RBM33: variants seen among roughly 807,000 people sequenced by gnomAD.
RBM33 encodes RNA binding motif protein 33.
A neutral mutation model predicts 132.6 loss-of-function variants in RBM33; 28 were observed. The ratio of observed to expected loss-of-function variants is 0.21; its 90% CI spans 0.16 to 0.29. The LOEUF (loss-of-function observed/expected upper bound fraction) is 0.29, where lower values mean the gene tolerates loss of function less well. Among genes scored for constraint, RBM33 ranks in the 10% least tolerant of loss-of-function variants. RBM33 has a pLI of 1.00. For synonymous variants in RBM33, 634 were observed against 593.0 expected (o/e 1.07, Z -1.01); for missense variants, 1,291 against 1,518.5 (o/e 0.85, Z 2.49).
At chr7:155,762,181 C>T (rs534861397) in intron 14 of RBM33, among the ~76,000 whole-genome samples, 17 of 152,334 alleles carry the variant, frequency 1.1e-4, no homozygotes, top group African/African-American at 3.8e-4. Context: ...CCTTCTCTAG[C>T]ACTTTCCGTT....
chr7:155,724,036 A>G (rs1017610462), intron 9 of RBM33, among the ~76,000 whole-genome samples: 3 of 152,204 alleles, frequency 2.0e-5, no homozygotes, highest in Non-Finnish European at 4.4e-5. Context: ...TGAATAATTT[A>G]GCCTGTGAAA....
At chr7:155,709,524 C>G (rs1800215572) in intron 7 of RBM33, among the ~76,000 whole-genome samples, 1 of 152,190 alleles carries the variant, frequency 6.6e-6, no homozygotes, top group African/African-American at 2.4e-5. Flanking sequence ...CTCCATCTCC[C>G]AACTGTCCCT....
intron 8 of RBM33, among the ~76,000 whole-genome samples, chr7:155,713,957 G>C (rs928084597): frequency 9.9e-5 from 15 of 152,088 alleles, no homozygotes; most frequent in Non-Finnish European, 1.9e-4. Context: ...TCTTGTGTCA[G>C]TTCTTCCTTG....
Position 155,738,064 on chromosome 7 carries a change from A to G in RBM33, c.1398A>G (p.Ser466=), listed in dbSNP as rs1027723637. The G allele has an allele frequency of 1.2e-6, 2 of 1,612,200 alleles. No homozygotes were observed. The highest frequency in any genetic ancestry group is 1.7e-6 in the Non-Finnish European group (2 of 1,178,728). ...TGATGTTGTGTTACCTTTCAGTTTC[A>G]GGTGAACCAAGATTCCCGAGCCATC... The part of the protein sequence containing the change: ...QDRDPFFLGV[S]GEPRFPSHLF... The change falls in exon 11 of 18, where the codon TCA becomes TCG. Residue 466 remains serine, a synonymous_variant. Coordinates refer to ENST00000401878, the MANE Select transcript of RBM33 (RefSeq NM_053043.3).
intron 14 of RBM33, among the ~76,000 whole-genome samples, chr7:155,754,918 G>A (rs1373701944): frequency 6.6e-6 from 1 of 152,180 alleles, no homozygotes; most frequent in Non-Finnish European, 1.5e-5. Context: ...AGATGTAAGT[G>A]CTCCCCATGT....
chr7:155,728,517 G>A (rs985648237), intron 9 of RBM33, among the ~76,000 whole-genome samples: 2 of 152,084 alleles, frequency 1.3e-5, no homozygotes. Context: ...CTGAGTAAAC[G>A]GTTTCTTTCT....
At chr7:155,754,647 C>G (rs187208292) in intron 14 of RBM33, among the ~76,000 whole-genome samples, 22 of 152,338 alleles carry the variant, frequency 1.4e-4, no homozygotes, top group Admixed American at 7.8e-4. Context: ...CTTCAAAGGT[C>G]AGCTAATCTT....
chr7:155,712,136 C>T lies in RBM33; in HGVS notation c.1201+681C>T, dbSNP rs190489826. Among the ~76,000 whole-genome samples, 7 of 152,184 alleles carry T rather than the reference C, an allele frequency of 4.6e-5. No individual in the cohort carries two copies. The South Asian group carries it at 1.0e-3, about 23-fold the overall frequency. On this transcript the variant is annotated intron_variant, in intron 8 of 17. Coordinates refer to ENST00000401878, the MANE Select transcript of RBM33 (RefSeq NM_053043.3). ...GAACTGTGACACTTTGTAAGTCTCC[C>T]GGTGAGGATGTTTGCAGTGGTGAGT...
At chr7:155,658,120 G>A (rs1187297564) in intron 1 of RBM33, among the ~76,000 whole-genome samples, 5 of 151,958 alleles carry the variant, frequency 3.3e-5, no homozygotes, top group African/African-American at 1.2e-4. Context: ...GTCAACATTT[G>A]CTACATCAAT....
intron 11 of RBM33, chr7:155,738,615 G>A: frequency 3.5e-6 from 2 of 572,186 alleles, no homozygotes; most frequent in South Asian, 4.8e-5. Context: ...GTCATTTTTT[G>A]GGAATTGAAA....
intron 5 of RBM33, among the ~76,000 whole-genome samples, chr7:155,694,035 G>A (rs959029741): frequency 6.6e-6 from 1 of 152,126 alleles, no homozygotes; most frequent in Non-Finnish European, 1.5e-5. Context: ...CCCCATCTGT[G>A]TTGCCGCACG....
At chr7:155,670,109 G>A (rs1382777901) in intron 2 of RBM33, among the ~76,000 whole-genome samples, 2 of 152,224 alleles carry the variant, frequency 1.3e-5, no homozygotes, top group Admixed American at 6.5e-5. Context: ...CCTGAAAAAC[G>A]TCTTTGAGGA....
At chr7:155,711,046 C>A in intron 7 of RBM33, 157 bp from the exon 8 acceptor site, 5 of 1,041,482 alleles carry the variant, frequency 4.8e-6, no homozygotes, top group Non-Finnish European at 3.9e-6. Flanking sequence ...TGTTTTGATA[C>A]AAGTTGTTAC....
intron 8 of RBM33, among the ~76,000 whole-genome samples, chr7:155,716,493 C>T (rs1053941290): frequency 1.3e-5 from 2 of 151,826 alleles, no homozygotes; most frequent in Admixed American, 1.3e-4. Context: ...ATCCTTTTAT[C>T]GTGTTGGAAT....
intron 16 of RBM33, among the ~76,000 whole-genome samples, chr7:155,773,716 T>C (rs1410648211): frequency 6.6e-6 from 1 of 151,958 alleles, no homozygotes; most frequent in Non-Finnish European, 1.5e-5. Context: ...AGAGCGCCAC[T>C]GAACAGATCC....
intron 5 of RBM33, among the ~76,000 whole-genome samples, chr7:155,684,131 G>T (rs1799408097): frequency 6.6e-6 from 1 of 152,166 alleles, no homozygotes; most frequent in South Asian, 2.1e-4. Context: ...AAATACAGCT[G>T]CTTTATTTGG....
At chr7:155,756,191 G>C (rs1172164465) in intron 14 of RBM33, among the ~76,000 whole-genome samples, 1 of 152,186 alleles carries the variant, frequency 6.6e-6, no homozygotes, top group Non-Finnish European at 1.5e-5. Context: ...TAAGATAACA[G>C]CCTTCTAAAA....
At chr7:155,746,858 A>G (rs934057033) in intron 14 of RBM33, among the ~76,000 whole-genome samples, 4 of 152,264 alleles carry the variant, frequency 2.6e-5, no homozygotes, top group Non-Finnish European at 4.4e-5. Context: ...TTTAAAAGAC[A>G]CAAAAAATGT....
At position 155,774,884 on chromosome 7, in the gene RBM33, G is replaced by A. The variant is rs540520546; in HGVS notation, c.3465-109G>A. 8.1e-5 allele frequency: 78 copies of A among 966,490 alleles called. No homozygotes were observed. In the African/African-American group the frequency reaches 1.1e-3, roughly 14 times the overall value. The allele number at this position is 966,490 out of a possible 1,614,324, so 59.9% of individuals were successfully genotyped here. A position where few individuals can be genotyped will look rare whatever the true frequency, so the allele number is the denominator to read the frequency against. On this transcript the variant is annotated intron_variant, in intron 17 of 17. Coordinates refer to ENST00000401878, the MANE Select transcript of RBM33 (RefSeq NM_053043.3). This position sits in a 1 kb window ranked among gnomAD's most constrained non-coding sequence, Gnocchi z 4.2. ...CGGGGAATCTGCCTTTTTATATGAT[G>A]CGTTTTTATTAAACAGGACCCACCG...
Sources: gnomAD v4.1 joint callset for allele counts (sites outside exome capture counted in the v4.1 genomes callset) on GRCh38, gnomAD v4.1.1 for gene constraint, Gnocchi (gnomAD v3.1) non-coding constraint, MANE v1.5 for transcripts, NCBI Gene and HGNC (gene_info 2026-07-23, HGNC 2026-07-21) for gene names.